The following HMBOX1 variants were observed in gnomAD, a reference collection of about 807,000 sequenced individuals.
HMBOX1 encodes homeobox containing 1.
In HMBOX1, 14 loss-of-function variants were observed where a neutral mutation model predicts 54.5. The ratio of observed to expected loss-of-function variants is 0.26; its 90% CI spans 0.17 to 0.40. The LOEUF (loss-of-function observed/expected upper bound fraction) is 0.40. HMBOX1 is among the 10% of genes least tolerant of loss of function. HMBOX1 has a pLI of 1.00. For synonymous variants in HMBOX1, 160 were observed against 181.0 expected (o/e 0.88, Z 0.93); for missense variants, 332 against 514.4 (o/e 0.65, Z 3.43).
chr8:28,980,288 TGA>T, intron 4 of HMBOX1, 132 bp downstream of exon 4: 1 of 706,502 alleles, frequency 1.4e-6, no homozygotes. Flanking sequence ...TGTATGCCTG[TGA>T]TTTAAAACCC....
At chr8:28,920,300 A>G (rs528563888) in intron 1 of HMBOX1, among the ~76,000 whole-genome samples, 2 of 152,226 alleles carry the variant, frequency 1.3e-5, no homozygotes, top group African/African-American at 2.4e-5. Flanking sequence ...ACAAGGTACT[A>G]TGGTAGGGCC....
At chr8:28,958,447 TCTCA>T (rs897565619) in intron 1 of HMBOX1, among the ~76,000 whole-genome samples, 1 of 152,226 alleles carries the variant, frequency 6.6e-6, no homozygotes, top group African/African-American at 2.4e-5. Context: ...TTAGTGGGCT[TCTCA>T]CTCTAATTCC....
chr8:29,046,764 T>G (rs1046064519), intron 7 of HMBOX1, among the ~76,000 whole-genome samples: 1 of 152,204 alleles, frequency 6.6e-6, no homozygotes, highest in African/African-American at 2.4e-5. Context: ...GCAGATCGCC[T>G]GAGCCCAGGA....
At chr8:28,931,310 C>T (rs531782581) in intron 1 of HMBOX1, among the ~76,000 whole-genome samples, 7 of 152,208 alleles carry the variant, frequency 4.6e-5, no homozygotes, top group South Asian at 4.1e-4. Flanking sequence ...AAACTTTGTC[C>T]GTGGAAACAC....
At chr8:28,997,987 T>C (rs1476253367) in intron 4 of HMBOX1, among the ~76,000 whole-genome samples, 2 of 152,212 alleles carry the variant, frequency 1.3e-5, no homozygotes, top group Non-Finnish European at 2.9e-5. Context: ...TGGGTGTATG[T>C]GCTTTAATTA....
At chr8:28,973,813 T>TG (rs1827882281) in intron 3 of HMBOX1, among the ~76,000 whole-genome samples, 1 of 35,030 alleles carries the variant, frequency 2.9e-5, no homozygotes, top group African/African-American at 1.1e-4. Flanking sequence ...GTTTTTTTTT[T>TG]TTTTTTTTTT....
At chr8:29,015,373 C>G (rs1002048232) in intron 5 of HMBOX1, among the ~76,000 whole-genome samples, 1 of 152,158 alleles carries the variant, frequency 6.6e-6, no homozygotes, top group Non-Finnish European at 1.5e-5. Context: ...CAAGGGTCAG[C>G]CCCTGGACAA....
chr8:28,948,582 C>G (rs951866588), intron 1 of HMBOX1, among the ~76,000 whole-genome samples: 8 of 152,120 alleles, frequency 5.3e-5, no homozygotes, highest in Non-Finnish European at 8.8e-5. Context: ...CTTAACAAAA[C>G]CTTTGAATGA....
At chr8:28,962,747 C>T (rs969147717) in intron 1 of HMBOX1, among the ~76,000 whole-genome samples, 17 of 152,148 alleles carry the variant, frequency 1.1e-4, no homozygotes, top group African/African-American at 3.6e-4. Context: ...CTTCCTAGTT[C>T]TCTCTAACCT....
intron 4 of HMBOX1, among the ~76,000 whole-genome samples, chr8:28,988,783 G>C (rs1256994946): frequency 2.6e-5 from 4 of 151,654 alleles, no homozygotes; most frequent in Non-Finnish European, 5.9e-5. Flanking sequence ...CAGGTTGTTT[G>C]CCTTATTTAT....
intron 1 of HMBOX1, among the ~76,000 whole-genome samples, chr8:28,897,789 AT>A (rs1273001938): frequency 6.6e-6 from 1 of 152,220 alleles, no homozygotes; most frequent in African/African-American, 2.4e-5. Context: ...AATTACAGCT[AT>A]TTTGACATTA....
intron 4 of HMBOX1, among the ~76,000 whole-genome samples, chr8:28,981,862 T>C (rs1188519332): frequency 6.6e-6 from 1 of 152,202 alleles, no homozygotes; most frequent in Non-Finnish European, 1.5e-5. Context: ...CTGAAAGATA[T>C]GTTTTCCCAT....
intron 1 of HMBOX1, among the ~76,000 whole-genome samples, chr8:28,908,832 C>A (rs992651477): frequency 6.6e-6 from 1 of 152,032 alleles, no homozygotes; most frequent in African/African-American, 2.4e-5. Context: ...GGTGGCTCCT[C>A]CCTGTAATTT....
intron 2 of HMBOX1, among the ~76,000 whole-genome samples, chr8:28,968,349 T>C (rs1826799786): frequency 6.6e-6 from 1 of 152,240 alleles, no homozygotes; most frequent in Admixed American, 6.5e-5. Context: ...TAGAATAGCC[T>C]GTGTGCCAAA....
intron 3 of HMBOX1, among the ~76,000 whole-genome samples, chr8:28,972,634 G>A (rs998179332): frequency 6.6e-6 from 1 of 152,110 alleles, no homozygotes; most frequent in Non-Finnish European, 1.5e-5. Context: ...TGTTGTTGCT[G>A]TTCATCAGTT....
intron 4 of HMBOX1, among the ~76,000 whole-genome samples, chr8:29,001,074 T>C (rs1832564401): frequency 6.6e-6 from 1 of 152,168 alleles, no homozygotes; most frequent in Non-Finnish European, 1.5e-5. Flanking sequence ...CTGATGTCAC[T>C]CCAATTCAAG....
chr8:28,956,677 G>A (rs183413908), intron 1 of HMBOX1, among the ~76,000 whole-genome samples: 5 of 152,162 alleles, frequency 3.3e-5, no homozygotes, highest in East Asian at 1.9e-4. Flanking sequence ...TTGTGTGTGC[G>A]TTTCTATGCC....
intron 4 of HMBOX1, among the ~76,000 whole-genome samples, chr8:28,989,165 G>C (rs1408078129): frequency 6.6e-6 from 1 of 151,982 alleles, no homozygotes; most frequent in Non-Finnish European, 1.5e-5. Context: ...CCAGCTGCTC[G>C]GGAGGCTGAG....
intron 3 of HMBOX1, among the ~76,000 whole-genome samples, chr8:28,972,303 C>T (rs1196285219): frequency 6.6e-6 from 1 of 152,126 alleles, no homozygotes; most frequent in Admixed American, 6.5e-5. Flanking sequence ...ACCTCCGCCT[C>T]CTGGGCTGAA....
Sources: allele counts gnomAD v4.1 joint callset (sites outside exome capture counted in the v4.1 genomes callset), GRCh38; gene constraint gnomAD v4.1.1; transcripts MANE v1.5; gene names NCBI Gene and HGNC (gene_info 2026-07-23, HGNC 2026-07-21).